The following MICALL1 variants were observed in gnomAD, a reference collection of about 807,000 sequenced individuals.
The protein encoded by MICALL1 is MICAL like 1.
MICALL1 carries 61 observed loss-of-function variants against 83.7 expected under a neutral mutation model. The ratio of observed to expected loss-of-function variants is 0.73; its 90% CI spans 0.59 to 0.90. The LOEUF (loss-of-function observed/expected upper bound fraction) is 0.90. Ranked by LOEUF, MICALL1 falls within the 40% of genes least tolerant of loss-of-function variation. MICALL1 has a pLI of 0.00. For missense variants in MICALL1, 1,066 were observed against 1,152.0 expected (o/e 0.93, Z 1.08); for synonymous variants, 481 against 473.6 (o/e 1.02, Z -0.20).
At chr22:37,911,810 G>A in intron 1 of MICALL1, 142 bp from the exon 2 acceptor site, 1 of 786,574 alleles carries the variant, frequency 1.3e-6, no homozygotes, top group Non-Finnish European at 2.2e-6. Flanking sequence ...GTAATCCACA[G>A]ACTCCCCCCC....
intron 5 of MICALL1, among the ~76,000 whole-genome samples, chr22:37,921,654 AG>A (rs1929038580): frequency 6.6e-6 from 1 of 152,222 alleles, no homozygotes; most frequent in Non-Finnish European, 1.5e-5. Context: ...TATTTTCCTG[AG>A]CCACTACTGG....
Position 37,906,468 on chromosome 22 carries a change from TGC to T in MICALL1, c.48_49del (p.Cys16Ter). On this transcript the variant is annotated frameshift_variant, in exon 1 of 16. Transcript: ENST00000215957. LOFTEE classifies it high-confidence loss of function. The surrounding 1 kb of genome is among the most constrained non-coding windows in gnomAD (Gnocchi z 4.4). ...GCTGCTGGCCTGGTGCCGCCGCCAG[TGC>T]GAGGGCTACCGCGGCGTGGAGATCC... The part of the protein sequence containing the change: ...GALLAWCRRQ[C>X]EGYRGVEIRD... 1 of 1,231,516 alleles carries T rather than the reference TGC, an allele frequency of 8.1e-7. No homozygotes were observed. 76.3% of individuals were successfully genotyped at this position (1,231,516 alleles called of 1,614,324 possible).
intron 13 of MICALL1, 151 bp from the exon 14 acceptor site, chr22:37,936,929 A>G (rs1930158895): frequency 6.9e-6 from 4 of 580,578 alleles, no homozygotes; most frequent in Non-Finnish European, 9.0e-6. Flanking sequence ...TGTAAGCCCC[A>G]CCTATCGGGG....
intron 4 of MICALL1, 121 bp downstream of exon 4, chr22:37,917,916 C>T: frequency 2.3e-6 from 2 of 876,364 alleles, no homozygotes; most frequent in Admixed American, 2.0e-5. Flanking sequence ...TCAGAGGGTG[C>T]TTGTTCTCTG....
At chr22:37,927,868 A>C (rs1929566249) in intron 9 of MICALL1, 42 bp downstream of exon 9, 1 of 1,550,644 alleles carries the variant, frequency 6.4e-7, no homozygotes, top group African/African-American at 1.4e-5. Flanking sequence ...CATCCTCTCT[A>C]GTGGATGCGG....
At chr22:37,931,774 C>T (rs1390745859) in intron 9 of MICALL1, 25 bp from the exon 10 acceptor site, 3 of 1,613,712 alleles carry the variant, frequency 1.9e-6, no homozygotes, top group Admixed American at 3.3e-5. Flanking sequence ...CAGGCTCACC[C>T]TCTGTCATGT....
rs773383148 is a variant in MICALL1 at position 37,927,639 on chromosome 22, A to G, written c.1694A>G (p.Glu565Gly). Residue 565 changes from glutamate (E) to glycine (G), a missense_variant, in exon 9 of 16, where the codon GAA becomes GGA. Glu to Gly is a moderately conservative substitution (Grantham distance 98). Transcript: ENST00000215957. ...AACTCCTCCCTGGCCTCCTCTGGGGAACTAGTGGAGCCTAGAGTGGAACAA... is the reference window on the plus strand; with the variant it reads ...AACTCCTCCCTGGCCTCCTCTGGGGGACTAGTGGAGCCTAGAGTGGAACAA... ...STNSSLASSG[E>G]LVEPRVEQMP... The G allele has an allele frequency of 6.2e-7, 1 of 1,614,040 alleles. No homozygotes were observed. Among genetic ancestry groups the G allele is most frequent in the South Asian group, 1.1e-5 (1 of 91,084 alleles).
intron 3 of MICALL1, among the ~76,000 whole-genome samples, chr22:37,912,964 CTT>C (rs759798391): frequency 8.9e-5 from 12 of 135,350 alleles, no homozygotes; most frequent in African/African-American, 5.5e-5. Context: ...CCCAGTCCCA[CTT>C]TTTTTTTTTT....
chr22:37,922,087 A>C lies in MICALL1; in HGVS notation c.685A>C (p.Thr229Pro), dbSNP rs753008289. Residue 229 changes from threonine (T) to proline (P), a missense_variant, in exon 6 of 16, where the codon ACC becomes CCC. Transcript: ENST00000215957. ...ARLGPGTRSG[T>P]RPGPFSQPKQ... The stretch of plus-strand genomic sequence containing the variant: ...GCTGGGCCCGGGGACACGGTCGGGG[A>C]CCAGGCCTGGGCCCTTCTCACAGCC... 1.9e-6 allele frequency: 3 copies of C among 1,613,332 alleles called. No homozygotes were observed. Among genetic ancestry groups the C allele is most frequent in the Non-Finnish European group, 1.7e-6 (2 of 1,179,990 alleles).
In MICALL1 at chr22:37,906,600, G is replaced by C. The variant is rs1412346494; in HGVS notation, c.146+32G>C. The C allele has an allele frequency of 8.7e-7, 1 of 1,155,846 alleles. No individual in the cohort carries two copies. The highest frequency in any genetic ancestry group is 1.1e-6 in the Non-Finnish European group (1 of 934,982). 71.6% of individuals were successfully genotyped at this position (1,155,846 alleles called of 1,614,324 possible). A position where few individuals can be genotyped will look rare whatever the true frequency, so the allele number is the denominator to read the frequency against. ...GCGGGGCCCCGGGCGAGCGGGCGGCGCGGGGCGGGCTGGGGCCGCGACCGC... is the reference window on the plus strand; with the variant it reads ...GCGGGGCCCCGGGCGAGCGGGCGGCCCGGGGCGGGCTGGGGCCGCGACCGC... On this transcript the variant is annotated intron_variant, in intron 1 of 15. Transcript: ENST00000215957. This position sits in a 1 kb window ranked among gnomAD's most constrained non-coding sequence, Gnocchi z 4.4.
intron 4 of MICALL1, among the ~76,000 whole-genome samples, chr22:37,918,673 G>A (rs956780071): frequency 4.6e-5 from 7 of 152,212 alleles, no homozygotes; most frequent in Non-Finnish European, 7.4e-5. Context: ...GGGCTCCCCC[G>A]CAAAGGGGAG....
intron 13 of MICALL1, among the ~76,000 whole-genome samples, chr22:37,935,417 C>T (rs543744012): frequency 2.0e-5 from 3 of 151,640 alleles, no homozygotes; most frequent in Admixed American, 2.0e-4. Context: ...CCCGCCACCA[C>T]ACCCGGCTAA....
Position 37,921,999 on chromosome 22 carries a change from C to A in MICALL1, c.597C>A (p.Leu199=). The A allele has an allele frequency of 1.3e-6, 2 of 1,597,678 alleles. No homozygotes were observed. The highest frequency in any genetic ancestry group is 1.1e-5 in the South Asian group (1 of 89,278). ...FRCRRCSSTL[L]PGAYENGPEE... ...GTCGGCGGTGCTCCAGCACCCTGCT[C>A]CCTGGGGCTTATGAGAATGGGCCTG... Residue 199 remains leucine (L), a synonymous_variant, in exon 6 of 16, where the codon CTC becomes CTA. Transcript: ENST00000215957.
In MICALL1 at chr22:37,924,087, GGA is replaced by G. The variant is rs912120804; in HGVS notation, c.1025-566_1025-565del. Among the ~76,000 whole-genome samples, 3 of 152,210 alleles carry G rather than the reference GGA, an allele frequency of 2.0e-5. No individual in the cohort carries two copies. The highest frequency in any genetic ancestry group is 1.3e-4 in the Admixed American group (2 of 15,278). On this transcript the variant is annotated intron_variant, in intron 6 of 15. Transcript: ENST00000215957. The surrounding 1 kb of genome is among the most constrained non-coding windows in gnomAD (Gnocchi z 5.2). Reference sequence around the variant, plus strand: ...TTAGGGAAGGCATTGGTGGCCACGGGGAGAGAGACTCCCAGGGTCACCCTGCG... The same window carrying G: ...TTAGGGAAGGCATTGGTGGCCACGGGGAGAGACTCCCAGGGTCACCCTGCG...
At chr22:37,919,260 C>T in intron 5 of MICALL1, 82 bp downstream of exon 5, 5 of 1,379,806 alleles carry the variant, frequency 3.6e-6, no homozygotes, top group Non-Finnish European at 2.8e-6. Flanking sequence ...CGCCAGGCAC[C>T]TTGCCAGGCC....
rs1229342701 is a variant in MICALL1, at chr22:37,937,788, G to A, written c.2466G>A (p.Lys822=). ...EDKMLEAMIK[K]KEFQREAEPE... ...AGATGTTGGAAGCCATGATCAAGAA[G>A]AAAGGTGAGGCCCTTGCTGGGGATG... Residue 822 remains lysine (K), a synonymous_variant, in exon 15 of 16, where the codon AAG becomes AAA. Transcript: ENST00000215957. The A allele has an allele frequency of 6.2e-7, 1 of 1,613,518 alleles. No homozygotes were observed. The highest frequency in any genetic ancestry group is 2.2e-5 in the East Asian group (1 of 44,852).
At chr22:37,910,878 C>T (rs1016048828) in intron 1 of MICALL1, among the ~76,000 whole-genome samples, 5 of 152,224 alleles carry the variant, frequency 3.3e-5, no homozygotes, top group African/African-American at 1.2e-4. Flanking sequence ...GCTGGAAGGA[C>T]TGCTGATCCC....
At chr22:37,927,921 T>G (rs1601826541) in intron 9 of MICALL1, 95 bp downstream of exon 9, 2 of 1,328,836 alleles carry the variant, frequency 1.5e-6, no homozygotes, top group African/African-American at 1.5e-5. Context: ...TTTCTTAATT[T>G]TTTTGAGATG....
Position 37,941,891 on chromosome 22 carries a change from A to G in MICALL1, c.*1061A>G, listed in dbSNP as rs886285793. 2.0e-5 allele frequency: 3 copies of G among 152,348 alleles called. No individual in the cohort carries two copies. Among genetic ancestry groups the G allele is most frequent in the Non-Finnish European group, 4.4e-5 (3 of 68,142 alleles). 9.4% of individuals were successfully genotyped at this position (152,348 alleles called of 1,614,324 possible). ...AGCTCTTGGTCAAAGCACTGTTGCTATAAGCTATCTCTGGGATGCCTCTAG... is the reference window on the plus strand; with the variant it reads ...AGCTCTTGGTCAAAGCACTGTTGCTGTAAGCTATCTCTGGGATGCCTCTAG... On this transcript the variant is annotated 3_prime_UTR_variant, in exon 16 of 16. Transcript: ENST00000215957.
Sources: gnomAD v4.1 joint callset for allele counts (sites outside exome capture counted in the v4.1 genomes callset) on GRCh38, gnomAD v4.1.1 for gene constraint, Gnocchi (gnomAD v3.1) non-coding constraint, MANE v1.5 for transcripts, NCBI Gene and HGNC (gene_info 2026-07-23, HGNC 2026-07-21) for gene names.